The following SEC16B variants were observed in gnomAD, a reference collection of about 807,000 sequenced individuals.
The protein encoded by SEC16B is protein transport protein Sec16B.
In SEC16B, 115 loss-of-function variants were observed where a neutral mutation model predicts 141.8. The observed-to-expected ratio is 0.81, with a 90% confidence interval of 0.70 to 0.95. SEC16B has a LOEUF of 0.95. Ranked by LOEUF, SEC16B falls within the 40% of genes least tolerant of loss-of-function variation. The probability of loss-of-function intolerance (pLI) is 0.00; values close to 1 mark genes in which losing one functional copy is unlikely to be tolerated. For synonymous variants in SEC16B, 493 were observed against 492.5 expected (o/e 1.00, Z -0.01); for missense variants, 1,291 against 1,312.3 (o/e 0.98, Z 0.25).
Position 177,939,724 on chromosome 1 carries a change from C to T in SEC16B, c.2181G>A (p.Ser727=), listed in dbSNP as rs182040536. The change falls in exon 18 of 26, where the codon TCG becomes TCA. Residue 727 remains serine, a synonymous_variant. Transcript: ENST00000308284. ...GDPHPTRSDI[S]GAGGTTTENT... is the part of the protein sequence containing the mutation. ...TACCTGTTGTTGTTCCTCCGGCTCCCGAAATATCTGAGCGAGTAGGATGAG... is the reference window on the plus strand; with the variant it reads ...TACCTGTTGTTGTTCCTCCGGCTCCTGAAATATCTGAGCGAGTAGGATGAG... The T allele has an allele frequency of 4.0e-4, 631 of 1,596,806 alleles. 3 individuals carry two copies. Among genetic ancestry groups the T allele is most frequent in the Non-Finnish European group, 5.9e-5 (69 of 1,170,878 alleles).
intron 1 of SEC16B, among the ~76,000 whole-genome samples, chr1:177,981,295 A>G (rs572795804): frequency 1.7e-4 from 26 of 152,206 alleles, no homozygotes; most frequent in Admixed American, 5.9e-4. Context: ...TCTATGAATG[A>G]GCACAAAATT....
chr1:177,936,162 G>C lies in SEC16B; in HGVS notation c.2571+136C>G, dbSNP rs1571308889. 7 of 700,996 alleles carry C rather than the reference G, an allele frequency of 1.0e-5. No individual in the cohort carries two copies. In the South Asian group the frequency reaches 1.3e-4, roughly 13 times the overall value. 43.4% of individuals were successfully genotyped at this position (700,996 alleles called of 1,614,324 possible). On this transcript the variant is annotated intron_variant, in intron 20 of 25. Transcript: ENST00000308284. ...GCTCCCAGGAGTTGGAATAGGAAAA[G>C]GCAAGGCGAGATGTGGAAGAGAAAG...
intron 20 of SEC16B, among the ~76,000 whole-genome samples, chr1:177,933,912 G>A (rs1650641228): frequency 6.6e-6 from 1 of 151,912 alleles, no homozygotes; most frequent in African/African-American, 2.4e-5. Flanking sequence ...ACTATGCCAA[G>A]GCCTGGAGTA....
chr1:177,961,787 CT>C, intron 5 of SEC16B, 53 bp from the exon 6 acceptor site: 1 of 1,549,264 alleles, frequency 6.5e-7, no homozygotes. Context: ...AGCTGGTCTT[CT>C]CAAGCGTTCC....
upstream of SEC16B, among the ~76,000 whole-genome samples, chr1:177,974,623 T>C (rs1453558405): frequency 1.3e-5 from 2 of 152,126 alleles, no homozygotes; most frequent in African/African-American, 4.8e-5. Flanking sequence ...ACAATTTCAG[T>C]AGGGCCATGG....
At chr1:177,951,033 GAGGAAGGA>G (rs1223890990) in intron 12 of SEC16B, among the ~76,000 whole-genome samples, 1 of 139,290 alleles carries the variant, frequency 7.2e-6, no homozygotes, top group Non-Finnish European at 1.6e-5. Flanking sequence ...GGGAGGGAGG[GAGGAAGGA>G]AGGAAGGAAA....
At chr1:177,959,203 A>G in intron 8 of SEC16B, 3 of 539,052 alleles carry the variant, frequency 5.6e-6, no homozygotes, top group Admixed American at 2.9e-5. Context: ...AGATGAAGAA[A>G]CAGAGGCTCA....
intron 18 of SEC16B, among the ~76,000 whole-genome samples, chr1:177,938,743 T>G (rs1013611252): frequency 2.6e-5 from 4 of 152,214 alleles, no homozygotes; most frequent in African/African-American, 7.2e-5. Context: ...TATTTCTTCT[T>G]TAAGGACTTC....
chr1:177,931,356 G>C (rs1451750372), intron 24 of SEC16B, among the ~76,000 whole-genome samples: 1 of 152,164 alleles, frequency 6.6e-6, no homozygotes, highest in Non-Finnish European at 1.5e-5. Flanking sequence ...TCACTTATAA[G>C]TGGGGAGCTA....
rs541114455 is a variant in SEC16B at position 177,956,213 on chromosome 1, C to T, written c.1366-1837G>A. ...ATGAAGTTTACTGAAACACGGCCACCTCCATTCATTTACATATTTTCTGTG... is the reference window on the plus strand; with the variant it reads ...ATGAAGTTTACTGAAACACGGCCACTTCCATTCATTTACATATTTTCTGTG... On this transcript the variant is annotated intron_variant, in intron 10 of 25. Transcript: ENST00000308284. Among the ~76,000 whole-genome samples, 102 of 152,258 alleles carry T rather than the reference C, an allele frequency of 6.7e-4. 1 individual carries two copies. The highest frequency in any genetic ancestry group is 2.2e-3 in the African/African-American group (93 of 41,556).
chr1:177,938,069 T>C (rs1054310946), intron 18 of SEC16B, among the ~76,000 whole-genome samples: 18 of 152,322 alleles, frequency 1.2e-4, no homozygotes, highest in Admixed American at 2.0e-4. Flanking sequence ...AGGTTTTTTT[T>C]CTCTGGCAGC....
chr1:177,947,682 C>T, intron 13 of SEC16B, 143 bp downstream of exon 13: 1 of 538,476 alleles, frequency 1.9e-6, no homozygotes, highest in Non-Finnish European at 3.4e-6. Flanking sequence ...ATGTTTAAAG[C>T]TGACCTGGAC....
Position 177,929,264 on chromosome 1 carries a change from ATAAT to A in SEC16B, c.*590_*593del, listed in dbSNP as rs1189574320. On this transcript the variant is annotated 3_prime_UTR_variant, in exon 26 of 26. Coordinates refer to ENST00000308284, the MANE Select transcript of SEC16B (RefSeq NM_033127.4). ...GACCAGCTAAGAAAGTGAGAGAAATATAATTAATCTGAACCACATTCAAAAAAAT... is the reference window on the plus strand; with the variant it reads ...GACCAGCTAAGAAAGTGAGAGAAATATAATCTGAACCACATTCAAAAAAAT... 2.6e-5 allele frequency: 4 copies of A among 154,434 alleles called. No homozygotes were observed. Among genetic ancestry groups the A allele is most frequent in the African/African-American group, 9.6e-5 (4 of 41,462 alleles). 9.6% of individuals were successfully genotyped at this position (154,434 alleles called of 1,614,324 possible). A position where few individuals can be genotyped will look rare whatever the true frequency, so the allele number is the denominator to read the frequency against.
Position 177,942,038 on chromosome 1 carries a change from C to T in SEC16B, c.1884G>A (p.Val628=), listed in dbSNP as rs769254334. ...GACGGGAAGCATAAAGGAGCTTATA[C>T]ACCTGTGAAGAGAAAAGAGTCAGTG... is the stretch of plus-strand genomic sequence containing the variant. ...RPKSFIPSFQ[V]YKLLYASRLA... is the part of the protein sequence containing the mutation. Residue 628 remains valine, a splice_region_variant and synonymous_variant, in exon 16 of 26, where the codon GTG becomes GTA. Transcript: ENST00000308284. 5.4e-5 allele frequency: 87 copies of T among 1,612,960 alleles called. No homozygotes were observed. The South Asian group carries it at 8.9e-4, about 17-fold the overall frequency.
At position 177,965,898 on chromosome 1, in the gene SEC16B, T is replaced by C; in HGVS notation, c.407A>G (p.Glu136Gly). 1 of 1,578,588 alleles carries C rather than the reference T, an allele frequency of 6.3e-7. No individual in the cohort carries two copies. The highest frequency in any genetic ancestry group is 8.6e-7 in the Non-Finnish European group (1 of 1,158,610). Residue 136 changes from glutamate (E) to glycine (G), a missense_variant, in exon 3 of 26, where the codon GAA (glutamate) becomes GGA (glycine). By Grantham distance (98) the Glu-to-Gly change is moderately conservative. Transcript: ENST00000308284. The stretch of plus-strand genomic sequence containing the variant: ...TCTTGGAGACTTTTCCATACCTCTT[T>C]CTTCCTGCAGCCACTGTGGGTGTCC... ...YHGHPQWLQE[E>G]RVPRQRSPYI...
At chr1:177,944,305 A>C (rs1013763331) in intron 15 of SEC16B, among the ~76,000 whole-genome samples, 6 of 152,214 alleles carry the variant, frequency 3.9e-5, no homozygotes, top group African/African-American at 1.4e-4. Context: ...GGCGGCAGGC[A>C]GGACGTTCAA....
Position 177,958,962 on chromosome 1 carries a change from T to C in SEC16B, c.1012A>G (p.Lys338Glu). ...SGPLIREDVH[K>E]VDIMTFCQQK... The stretch of plus-strand genomic sequence containing the variant: ...TGGCAAAACGTCATAATATCCACCT[T>C]ATGTACATCTTCCCTACATGGAAAA... Residue 338 changes from lysine to glutamate, a missense_variant, in exon 9 of 26, where the codon AAG (lysine) becomes GAG (glutamate). By Grantham distance (56) the Lys-to-Glu change is moderately conservative (BLOSUM62 1). This residue lies in a region of SEC16B where 681 missense variants were observed against 675.5 expected (regional missense o/e 1.01). Coordinates refer to ENST00000308284, the MANE Select transcript of SEC16B (RefSeq NM_033127.4). The C allele has an allele frequency of 2.5e-6, 4 of 1,613,078 alleles. No homozygotes were observed. Among genetic ancestry groups the C allele is most frequent in the Non-Finnish European group, 3.4e-6 (4 of 1,179,562 alleles).
chr1:177,982,537 T>A (rs374091483), intron 1 of SEC16B, among the ~76,000 whole-genome samples: 43 of 152,212 alleles, frequency 2.8e-4, no homozygotes, highest in African/African-American at 9.4e-4. Flanking sequence ...TACATAAAAA[T>A]TGTGCTTTTT....
chr1:177,977,981 G>C (rs1049067462), intron 1 of SEC16B, among the ~76,000 whole-genome samples: 4 of 152,164 alleles, frequency 2.6e-5, no homozygotes, highest in Non-Finnish European at 4.4e-5. Context: ...ATTAATTACA[G>C]GAGTGGGTTT....
Sources: allele counts gnomAD v4.1 joint callset (sites outside exome capture counted in the v4.1 genomes callset), GRCh38; gene constraint gnomAD v4.1.1; regional missense constraint gnomAD v4.1.1; transcripts MANE v1.5; gene names NCBI Gene and HGNC (gene_info 2026-07-23, HGNC 2026-07-21).